Variants in FANCD2 observed in about 807,000 individuals in gnomAD.
The protein encoded by FANCD2 is Fanconi anemia group D2 protein.
In FANCD2, 131 loss-of-function variants were observed where a neutral mutation model predicts 192.3. The observed-to-expected ratio is 0.68, with a 90% confidence interval of 0.59 to 0.79. The LOEUF (loss-of-function observed/expected upper bound fraction) is 0.79, where lower values mean the gene tolerates loss of function less well. FANCD2 is among the 30% of genes least tolerant of loss of function. The pLI, the probability that FANCD2 is intolerant of heterozygous loss-of-function variation, is 0.00. For synonymous variants in FANCD2, 524 were observed against 612.5 expected (o/e 0.86, Z 2.13); for missense variants, 1,508 against 1,701.6 (o/e 0.89, Z 2.00).
chr3:10,073,663 TTTAC>T (rs1693377424), intron 28 of FANCD2, among the ~76,000 whole-genome samples: 1 of 152,208 alleles, frequency 6.6e-6, no homozygotes, highest in African/African-American at 2.4e-5. Context: ...GTAGTTCCCT[TTTAC>T]TTTACATTTG....
At chr3:10,083,680 A>AGATCGAGACCGTCCTGGCTAACAC (rs1465733445) in intron 32 of FANCD2, 1 of 152,166 alleles carries the variant, frequency 6.6e-6, no homozygotes, top group Non-Finnish European at 1.5e-5. Context: ...TGAGGTCAGG[A>AGATCGAGACCGTCCTGGCTAACAC]GATCGAGACC....
rs1171804978 is a variant in FANCD2, at chr3:10,043,862, A to G, written c.1132A>G (p.Lys378Glu). The G allele has an allele frequency of 6.8e-6, 11 of 1,610,158 alleles. No individual in the cohort carries two copies. The African/African-American group carries it at 8.0e-5, about 12-fold the overall frequency. ...AAACACTGCCTCAGTATCTGAACAC[A>G]AGGTAATGTTCATGTACTATGCATT... ...IENTASVSEH[K>E]VFDLVMLFII... The change falls in exon 14 of 44, where the codon AAG becomes GAG. Residue 378 changes from lysine to glutamate, a missense_variant and splice_region_variant. By Grantham distance (56) the Lys-to-Glu change is moderately conservative. Coordinates refer to ENST00000675286, the MANE Select transcript of FANCD2 (RefSeq NM_001018115.3).
rs879221957 is a variant in FANCD2 at position 10,034,324 on chromosome 3, CA to C, written c.206-124del. 67,379 of 403,596 alleles carry C rather than the reference CA, an allele frequency of 0.17. 2 individuals are homozygous for C. The highest frequency in any genetic ancestry group is 0.21 in the East Asian group (4,866 of 23,516). 25.0% of individuals were successfully genotyped at this position (403,596 alleles called of 1,614,324 possible). A position where few individuals can be genotyped will look rare whatever the true frequency, so the allele number is the denominator to read the frequency against. On this transcript the variant is annotated intron_variant, in intron 3 of 43. Transcript: ENST00000675286. ...TAGGCAACAGAACAAAACTCCATCT[CA>C]AAAAAAAAAAAAAAAAAAAAGATTT...
chr3:10,087,133 G>A lies in FANCD2; in HGVS notation c.3336-1G>A, dbSNP rs1424654901. The A allele has an allele frequency of 6.2e-7, 1 of 1,614,030 alleles. No individual in the cohort carries two copies. Among genetic ancestry groups the A allele is most frequent in the East Asian group, 2.2e-5 (1 of 44,870 alleles). On this transcript the variant is annotated splice_acceptor_variant, in intron 33 of 43. Coordinates refer to ENST00000675286, the MANE Select transcript of FANCD2 (RefSeq NM_001018115.3). LOFTEE classifies it high-confidence loss of function. ...TGTTTGTTTTTCTTGTCTCCTTACA[G>A]CCAGAGCGTCCATTACTTGCAGAAT...
At chr3:10,032,655 C>A (rs926631294) in intron 2 of FANCD2, among the ~76,000 whole-genome samples, 177 bp from the exon 3 acceptor site, 2 of 117,716 alleles carry the variant, frequency 1.7e-5, no homozygotes, top group Non-Finnish European at 3.2e-5. Context: ...GAAAATAATT[C>A]TATTTGTTTG....
chr3:10,087,527 CA>C (rs112934348), intron 34 of FANCD2, among the ~76,000 whole-genome samples: 35 of 139,950 alleles, frequency 2.5e-4, no homozygotes, highest in Admixed American at 2.9e-4. Context: ...TCTTCCTTTT[CA>C]AAAAAAAAAA....
At chr3:10,084,202 C>T (rs1224190110) in intron 32 of FANCD2, among the ~76,000 whole-genome samples, 1 of 151,868 alleles carries the variant, frequency 6.6e-6, no homozygotes, top group Non-Finnish European at 1.5e-5. Context: ...CCATCTTGGC[C>T]AGGCTGGTCT....
chr3:10,070,207 G>A (rs1214945753), intron 26 of FANCD2, among the ~76,000 whole-genome samples: 2 of 150,562 alleles, frequency 1.3e-5, no homozygotes, highest in Admixed American at 6.6e-5. Flanking sequence ...TCTGAGAAGT[G>A]AGGAGCCCCT....
intron 23 of FANCD2, among the ~76,000 whole-genome samples, chr3:10,065,161 C>T (rs747833438): frequency 2.0e-5 from 3 of 152,122 alleles, no homozygotes; most frequent in African/African-American, 7.2e-5. Context: ...GTGTGGCATG[C>T]ACCTATAATC....
intron 16 of FANCD2, among the ~76,000 whole-genome samples, chr3:10,048,675 T>G (rs1189254931): frequency 6.6e-6 from 1 of 152,220 alleles, no homozygotes; most frequent in East Asian, 1.9e-4. Flanking sequence ...TGAAAGCAAG[T>G]AAAGAACAGT....
At chr3:10,092,889 A>C (rs1694737171) in intron 38 of FANCD2, among the ~76,000 whole-genome samples, 1 of 151,594 alleles carries the variant, frequency 6.6e-6, no homozygotes, top group Non-Finnish European at 1.5e-5. Flanking sequence ...ACAGGGTCTC[A>C]TTCTGTTCCC....
At chr3:10,034,238 T>G (rs1055150091) in intron 3 of FANCD2, among the ~76,000 whole-genome samples, 1 of 147,232 alleles carries the variant, frequency 6.8e-6, no homozygotes, top group African/African-American at 2.5e-5. Context: ...GGCAGGAGAA[T>G]CATTTGAACC....
In FANCD2 at chr3:10,074,615, C is replaced by G. The variant is rs200971205; in HGVS notation, c.2801C>G (p.Ser934Cys). The part of the protein sequence containing the change: ...FFRELDIEVF[S>C]ILHCGLVTKF... ...CGAGAGCTGGACATTGAGGTCTTCTCTATTCTACATTGTGGACTTGTGACG... is the reference window on the plus strand; with the variant it reads ...CGAGAGCTGGACATTGAGGTCTTCTGTATTCTACATTGTGGACTTGTGACG... Residue 934 changes from serine (S) to cysteine (C), a missense_variant, in exon 29 of 44, where the codon TCT (serine) becomes TGT (cysteine). By Grantham distance (112) the Ser-to-Cys change is moderately radical. Around this residue, in one of 5 missense-constraint regions of FANCD2, gnomAD observed 796 missense variants for 879.4 expected, o/e 0.91. Transcript: ENST00000675286. 1.8e-4 allele frequency: 284 copies of G among 1,613,714 alleles called. No individual in the cohort carries two copies. Among genetic ancestry groups the G allele is most frequent in the Non-Finnish European group, 2.1e-4 (247 of 1,179,718 alleles).
At chr3:10,036,155 C>A in intron 6 of FANCD2, 132 bp from the exon 7 acceptor site, 1 of 611,106 alleles carries the variant, frequency 1.6e-6, no homozygotes. Context: ...GGTGCAATCT[C>A]GGCTCACTGC....
At chr3:10,089,709 C>T (rs902539937) in intron 36 of FANCD2, among the ~76,000 whole-genome samples, 9 of 152,184 alleles carry the variant, frequency 5.9e-5, no homozygotes, top group Admixed American at 1.3e-4. Context: ...CTCAGGTGAT[C>T]TGCCTGCCTC....
intron 42 of FANCD2, among the ~76,000 whole-genome samples, chr3:10,096,730 C>T (rs894538299): frequency 6.6e-6 from 1 of 152,276 alleles, no homozygotes. Flanking sequence ...AGGAGTCAGA[C>T]CAGTACAAAC....
chr3:10,041,539 C>CT, intron 9 of FANCD2, 84 bp from the exon 10 acceptor site: 1 of 951,826 alleles, frequency 1.1e-6, no homozygotes, highest in Non-Finnish European at 1.7e-6. Context: ...TTTTCATACT[C>CT]TAATAAATGA....
intron 34 of FANCD2, among the ~76,000 whole-genome samples, chr3:10,088,208 G>A (rs1694350103): frequency 6.6e-6 from 1 of 152,152 alleles, no homozygotes; most frequent in Non-Finnish European, 1.5e-5. Context: ...GCATGTTTGT[G>A]TGTTTCAAGA....
chr3:10,087,068 G>A, intron 33 of FANCD2, 66 bp from the exon 34 acceptor site: 1 of 1,579,546 alleles, frequency 6.3e-7, no homozygotes, highest in Non-Finnish European at 8.7e-7. Flanking sequence ...ACGTCATGTG[G>A]ATTTAAATAT....
Sources: gnomAD v4.1 joint callset for allele counts (sites outside exome capture counted in the v4.1 genomes callset) on GRCh38, gnomAD v4.1.1 for gene constraint, gnomAD v4.1.1 regional missense constraint, MANE v1.5 for transcripts, NCBI Gene and HGNC (gene_info 2026-07-23, HGNC 2026-07-21) for gene names.